The following KMO variants were observed in gnomAD, a reference collection of about 807,000 sequenced individuals.
KMO encodes kynurenine 3-hydroxylase.
A neutral mutation model predicts 57.8 loss-of-function variants in KMO; 24 were observed. The ratio of observed to expected loss-of-function variants is 0.42; its 90% CI spans 0.30 to 0.58. The LOEUF is 0.58. Ranked by LOEUF, KMO falls within the 20% of genes least tolerant of loss-of-function variation. The pLI, the probability that KMO is intolerant of heterozygous loss-of-function variation, is 0.22. For synonymous variants in KMO, 210 were observed against 193.6 expected (o/e 1.08, Z -0.70); for missense variants, 483 against 588.2 (o/e 0.82, Z 1.85).
rs1262747636 is a variant in KMO at position 241,590,098 on chromosome 1, C to A, written c.1185C>A (p.Ile395=). The A allele has an allele frequency of 1.6e-5, 25 of 1,612,880 alleles. No individual in the cohort carries two copies. Among genetic ancestry groups the A allele is most frequent in the Non-Finnish European group, 2.1e-5 (25 of 1,179,012 alleles). The change falls in exon 13 of 15, where the codon ATC becomes ATA. Residue 395 remains isoleucine, a synonymous_variant. Coordinates refer to ENST00000366559, the MANE Select transcript of KMO (RefSeq NM_003679.5). ...ATGCGATTATGCCATCGACCTTTAT[C>A]CCTCTCTATACAATGGTAAGGTCTG... is the stretch of plus-strand genomic sequence containing the variant. ...FLHAIMPSTF[I]PLYTMVTFSR... is the part of the protein sequence containing the mutation.
intron 10 of KMO, among the ~76,000 whole-genome samples, chr1:241,584,591 C>T (rs758052759): frequency 6.0e-5 from 9 of 149,174 alleles, no homozygotes; most frequent in Non-Finnish European, 1.1e-4. Flanking sequence ...AAAAAGAATT[C>T]AGAAAAGAAA....
rs1321365712 is a variant in KMO at position 241,593,112 on chromosome 1, TATC to T, written c.*962_*964del. The stretch of plus-strand genomic sequence containing the variant: ...CTAAAGATAAGAAAAAGGCTATTAA[TATC>T]ATACTAAGTGAAGGACAGGAAAGGG... On this transcript the variant is annotated 3_prime_UTR_variant, in exon 15 of 15. Transcript: ENST00000366559. 1 of 220,640 alleles carries T rather than the reference TATC, an allele frequency of 4.5e-6. No individual in the cohort carries two copies. The highest frequency in any genetic ancestry group is 9.8e-6 in the Non-Finnish European group (1 of 101,672). The allele number at this position is 220,640 out of a possible 1,614,324, so 13.7% of individuals were successfully genotyped here. A position where few individuals can be genotyped will look rare whatever the true frequency, so the allele number is the denominator to read the frequency against.
At chr1:241,585,172 T>C (rs1662919592) in intron 10 of KMO, among the ~76,000 whole-genome samples, 1 of 152,076 alleles carries the variant, frequency 6.6e-6, no homozygotes, top group African/African-American at 2.4e-5. Flanking sequence ...GAGGTTGCAG[T>C]GAGCCGAGAT....
intron 1 of KMO, among the ~76,000 whole-genome samples, chr1:241,538,295 T>C (rs1042412873): frequency 6.6e-6 from 1 of 152,176 alleles, no homozygotes; most frequent in Non-Finnish European, 1.5e-5. Context: ...CTATCTGCTT[T>C]CTCATTCTCC....
chr1:241,593,141 T>A lies in KMO; in HGVS notation c.*988T>A. On this transcript the variant is annotated 3_prime_UTR_variant, in exon 15 of 15. Transcript: ENST00000366559. ...ATACTAAGTGAAGGACAGGAAAGGGTTTTATTCATAAATTAAATGTCTACA... is the reference window on the plus strand; with the variant it reads ...ATACTAAGTGAAGGACAGGAAAGGGATTTATTCATAAATTAAATGTCTACA... 4.3e-6 allele frequency: 1 copy of A among 231,518 alleles called. No individual in the cohort carries two copies. The highest frequency in any genetic ancestry group is 9.6e-6 in the Non-Finnish European group (1 of 104,638). The allele number at this position is 231,518 out of a possible 1,614,324, so 14.3% of individuals were successfully genotyped here.
chr1:241,534,884 G>A (rs1660700999), intron 1 of KMO, among the ~76,000 whole-genome samples: 1 of 151,918 alleles, frequency 6.6e-6, no homozygotes, highest in African/African-American at 2.4e-5. Flanking sequence ...TCTGAACTAA[G>A]CCTATCTGCC....
intron 10 of KMO, among the ~76,000 whole-genome samples, chr1:241,584,111 T>C (rs1465023319): frequency 6.6e-6 from 1 of 152,160 alleles, no homozygotes. Flanking sequence ...GTATTTCTCC[T>C]AATGCTATCC....
chr1:241,593,958 G>C lies in KMO; in HGVS notation c.*1805G>C, dbSNP rs1364065327. 1 of 154,604 alleles carries C rather than the reference G, an allele frequency of 6.5e-6. No homozygotes were observed. The highest frequency in any genetic ancestry group is 1.4e-5 in the Non-Finnish European group (1 of 69,698). The allele number at this position is 154,604 out of a possible 1,614,324, so 9.6% of individuals were successfully genotyped here. ...CAAGAGGATTTTCTTTTTCATTCTA[G>C]AATTATCTCCTTGATAACTTGATCA... On this transcript the variant is annotated 3_prime_UTR_variant, in exon 15 of 15. Transcript: ENST00000366559.
At chr1:241,532,563 A>T (rs1297577140) in intron 1 of KMO, 65 bp downstream of exon 1, 2 of 1,198,282 alleles carry the variant, frequency 1.7e-6, no homozygotes, top group Non-Finnish European at 2.4e-6. Flanking sequence ...ACTCGTAATG[A>T]TTATTATTCG....
chr1:241,586,511 T>C lies in KMO; in HGVS notation c.958-168T>C, dbSNP rs915976914. 5 of 620,736 alleles carry C rather than the reference T, an allele frequency of 8.1e-6. No homozygotes were observed. The African/African-American group carries it at 9.3e-5, about 12-fold the overall frequency. 38.5% of individuals were successfully genotyped at this position (620,736 alleles called of 1,614,324 possible). On this transcript the variant is annotated intron_variant, in intron 10 of 14. Coordinates refer to ENST00000366559, the MANE Select transcript of KMO (RefSeq NM_003679.5). ...CATCACGTCCAGGCCCGATGGTCATTTTTAACCATAATTCAATACCATGTG... is the reference window on the plus strand; with the variant it reads ...CATCACGTCCAGGCCCGATGGTCATCTTTAACCATAATTCAATACCATGTG...
chr1:241,588,916 C>T, intron 12 of KMO, 86 bp downstream of exon 12: 1 of 911,896 alleles, frequency 1.1e-6, no homozygotes, highest in Non-Finnish European at 1.8e-6. Context: ...GCTTCAGCCC[C>T]CATCTCATGC....
chr1:241,561,539 G>T (rs1461293696), intron 6 of KMO, among the ~76,000 whole-genome samples: 1 of 152,170 alleles, frequency 6.6e-6, no homozygotes, highest in Non-Finnish European at 1.5e-5. Context: ...TCCTGCACAT[G>T]TAATATAATG....
chr1:241,582,480 C>T (rs1662789501), intron 10 of KMO, among the ~76,000 whole-genome samples: 1 of 152,124 alleles, frequency 6.6e-6, no homozygotes, highest in Non-Finnish European at 1.5e-5. Context: ...TTGTTTCCCT[C>T]TGACTGTATT....
At chr1:241,553,111 C>CT (rs895876345) in intron 4 of KMO, among the ~76,000 whole-genome samples, 19 of 152,252 alleles carry the variant, frequency 1.2e-4, no homozygotes, top group African/African-American at 3.4e-4. Context: ...TATATCTAAC[C>CT]TTTTTTAGGT....
chr1:241,538,078 A>G (rs1178194023), intron 1 of KMO, among the ~76,000 whole-genome samples: 1 of 152,132 alleles, frequency 6.6e-6, no homozygotes, highest in Non-Finnish European at 1.5e-5. Flanking sequence ...AGGTGTGGGG[A>G]AGGTGATTAG....
intron 6 of KMO, 47 bp from the exon 7 acceptor site, chr1:241,562,120 C>T: frequency 6.5e-7 from 1 of 1,535,812 alleles, no homozygotes; most frequent in Non-Finnish European, 8.9e-7. Flanking sequence ...TCATCATTTT[C>T]ACCACTAGAC....
At chr1:241,568,178 C>T (rs1662150907) in intron 9 of KMO, among the ~76,000 whole-genome samples, 1 of 152,146 alleles carries the variant, frequency 6.6e-6, no homozygotes, top group African/African-American at 2.4e-5. Context: ...ACCTAAAATA[C>T]ACTGCTGCAT....
chr1:241,562,475 G>T (rs976606278), intron 7 of KMO, 143 bp downstream of exon 7: 1 of 735,426 alleles, frequency 1.4e-6, no homozygotes, highest in Non-Finnish European at 2.3e-6. Context: ...AGAATAAATG[G>T]GATGCATGGG....
At chr1:241,574,128 G>A (rs1358201540) in intron 10 of KMO, among the ~76,000 whole-genome samples, 1 of 152,094 alleles carries the variant, frequency 6.6e-6, no homozygotes, top group African/African-American at 2.4e-5. Context: ...TATAACCTGA[G>A]TCTTTAATGA....
Sources: allele counts gnomAD v4.1 joint callset (sites outside exome capture counted in the v4.1 genomes callset), GRCh38; gene constraint gnomAD v4.1.1; transcripts MANE v1.5; gene names NCBI Gene and HGNC (gene_info 2026-07-23, HGNC 2026-07-21).